TTLL5: variants seen among roughly 807,000 people sequenced by gnomAD.
The protein encoded by TTLL5 is tubulin polyglutamylase TTLL5.
In TTLL5, 132 loss-of-function variants were observed where a neutral mutation model predicts 168.4. The ratio of observed to expected loss-of-function variants is 0.78; its 90% confidence interval spans 0.68 to 0.91. The LOEUF is 0.91. Among genes scored for constraint, TTLL5 ranks in the 40% least tolerant of loss-of-function variants. The pLI, the probability that TTLL5 is intolerant of heterozygous loss-of-function variation, is 0.00. For synonymous variants in TTLL5, 546 were observed against 558.6 expected, an observed-to-expected ratio of 0.98 and a Z score of 0.32; for missense variants, 1,545 against 1,581.5, an observed-to-expected ratio of 0.98 and a Z score of 0.39.
intron 9 of TTLL5, 41 bp from the exon 10 acceptor site, chr14:75,717,810 TATTTCCTTGA>T: frequency 6.5e-7 from 1 of 1,544,362 alleles, no homozygotes; most frequent in East Asian, 2.3e-5. Flanking sequence ...TTCCAGCCTG[TATTTCCTTGA>T]AACTCTGTTC....
At chr14:75,924,530 C>A (rs2033941617) in intron 31 of TTLL5, among the ~76,000 whole-genome samples, 1 of 151,918 alleles carries the variant, frequency 6.6e-6, no homozygotes, top group African/African-American at 2.4e-5. Flanking sequence ...CAAAGCACAT[C>A]TTGCACCACC....
chr14:75,709,556 A>C, intron 9 of TTLL5: 1 of 243,590 alleles, frequency 4.1e-6, no homozygotes, highest in Middle Eastern at 1.3e-3. Context: ...CGCAGTTATT[A>C]GATAAAGGGC....
chr14:75,919,288 T>C (rs915921363), intron 31 of TTLL5, among the ~76,000 whole-genome samples: 1 of 144,346 alleles, frequency 6.9e-6, no homozygotes, highest in African/African-American at 2.6e-5. Flanking sequence ...CCAAAAAGAA[T>C]AGGACAGGGA....
chr14:75,891,890 G>T (rs1343062285), intron 30 of TTLL5, among the ~76,000 whole-genome samples: 1 of 152,168 alleles, frequency 6.6e-6, no homozygotes, highest in African/African-American at 2.4e-5. Context: ...TCTTGGAGTT[G>T]TTCATAGGGT....
At chr14:75,941,486 C>G (rs991948080) in intron 31 of TTLL5, 1 of 152,168 alleles carries the variant, frequency 6.6e-6, no homozygotes, top group Non-Finnish European at 1.5e-5. Context: ...AGGGACAAAT[C>G]TTTAAGAGGT....
At chr14:75,842,859 C>T (rs533947317) in intron 28 of TTLL5, among the ~76,000 whole-genome samples, 10 of 152,280 alleles carry the variant, frequency 6.6e-5, no homozygotes, top group South Asian at 2.1e-4. Context: ...GCACAGGACA[C>T]GCCTTAACCC....
chr14:75,782,474 T>G lies in TTLL5; in HGVS notation c.2516-13T>G, dbSNP rs1304817782. ...ATTATAAGAGAGTCCAAGCTCATTA[T>G]TTCTTATTTCAGATCACCCTGAGAC... On this transcript the variant is annotated splice_polypyrimidine_tract_variant and intron_variant, in intron 24 of 31. Coordinates refer to ENST00000298832, the MANE Select transcript of TTLL5 (RefSeq NM_015072.5). 1 of 1,607,440 alleles carries G rather than the reference T, an allele frequency of 6.2e-7. No individual in the cohort carries two copies. Among genetic ancestry groups the G allele is most frequent in the Non-Finnish European group, 8.5e-7 (1 of 1,176,188 alleles).
intron 17 of TTLL5, among the ~76,000 whole-genome samples, chr14:75,748,618 A>T (rs1889755133): frequency 6.6e-6 from 1 of 152,228 alleles, no homozygotes; most frequent in South Asian, 2.1e-4. Flanking sequence ...GTTTTTGTAT[A>T]GGCTCAGTGC....
intron 6 of TTLL5, among the ~76,000 whole-genome samples, chr14:75,698,059 A>G (rs994904830): frequency 2.0e-5 from 3 of 152,236 alleles, no homozygotes; most frequent in Non-Finnish European, 4.4e-5. Flanking sequence ...GCTTTGAAAC[A>G]GTACTGACTG....
At chr14:75,720,862 G>A (rs993931827) in intron 12 of TTLL5, among the ~76,000 whole-genome samples, 159 bp downstream of exon 12, 1 of 152,128 alleles carries the variant, frequency 6.6e-6, no homozygotes, top group African/African-American at 2.4e-5. Flanking sequence ...CCTACTAAGA[G>A]GCCAATAGTG....
At chr14:75,902,013 C>A in intron 30 of TTLL5, 129 bp from the exon 31 acceptor site, 3 of 744,946 alleles carry the variant, frequency 4.0e-6, no homozygotes, top group Non-Finnish European at 7.1e-6. Context: ...TTGAACAAAG[C>A]CTTGAAGGAA....
chr14:75,949,307 A>G (rs1009639253), intron 31 of TTLL5, among the ~76,000 whole-genome samples: 9 of 150,840 alleles, frequency 6.0e-5, no homozygotes, highest in Non-Finnish European at 1.0e-4. Flanking sequence ...TAAAATATGT[A>G]TATATACACA....
At chr14:75,837,023 T>C (rs1895905664) in intron 28 of TTLL5, 1 of 152,232 alleles carries the variant, frequency 6.6e-6, no homozygotes, top group South Asian at 2.1e-4. Flanking sequence ...AATAAACATT[T>C]ATTATTTCAG....
chr14:75,913,039 T>G (rs1007157061), intron 31 of TTLL5, among the ~76,000 whole-genome samples: 17 of 152,224 alleles, frequency 1.1e-4, no homozygotes, highest in Non-Finnish European at 1.6e-4. Flanking sequence ...CTCAATTGAT[T>G]GCTTGATAAG....
chr14:75,940,854 A>T (rs1451420970), intron 31 of TTLL5, among the ~76,000 whole-genome samples: 2 of 152,228 alleles, frequency 1.3e-5, no homozygotes, highest in Non-Finnish European at 1.5e-5. Context: ...GGTTTGTGAG[A>T]CTTAAGTATA....
At chr14:75,800,854 C>T (rs1409755334) in intron 27 of TTLL5, among the ~76,000 whole-genome samples, 1 of 152,098 alleles carries the variant, frequency 6.6e-6, no homozygotes. Flanking sequence ...GATACCAGCA[C>T]CTGATCTGGT....
chr14:75,777,413 A>G (rs1891778547), intron 23 of TTLL5, among the ~76,000 whole-genome samples: 1 of 152,196 alleles, frequency 6.6e-6, no homozygotes, highest in Non-Finnish European at 1.5e-5. Context: ...GGTTACACCT[A>G]ATTTATATAA....
chr14:75,764,699 G>T lies in TTLL5; in HGVS notation c.1635G>T (p.Lys545Asn). The change falls in exon 19 of 32, where the codon AAG becomes AAT. Residue 545 changes from lysine to asparagine, a missense_variant. Transcript: ENST00000298832. ...AKLHAALYER[K>N]LLSLEVRKRR... The stretch of plus-strand genomic sequence containing the variant: ...TGCATGCTGCACTTTACGAGAGGAA[G>T]CTCCTGTCTCTGGAGGTGCGAAAAC... The T allele has an allele frequency of 6.2e-7, 1 of 1,614,206 alleles. No individual in the cohort carries two copies. The highest frequency in any genetic ancestry group is 8.5e-7 in the Non-Finnish European group (1 of 1,180,020).
chr14:75,759,185 C>T (rs555963635), intron 18 of TTLL5, among the ~76,000 whole-genome samples: 2 of 152,162 alleles, frequency 1.3e-5, no homozygotes, highest in Non-Finnish European at 2.9e-5. Context: ...ACTATAGATT[C>T]AACAGACATA....
Sources: gnomAD v4.1 joint callset for allele counts (sites outside exome capture counted in the v4.1 genomes callset) on GRCh38, gnomAD v4.1.1 for gene constraint, MANE v1.5 for transcripts, NCBI Gene and HGNC (gene_info 2026-07-23, HGNC 2026-07-21) for gene names.